The following MFN1 variants were observed in gnomAD, a reference collection of about 807,000 sequenced individuals.
The protein encoded by MFN1 is mitofusin-1.
MFN1 carries 65 observed loss-of-function variants against 92.4 expected under a neutral mutation model. The observed-to-expected ratio is 0.70, with a 90% CI of 0.58 to 0.86. The LOEUF is 0.86. Ranked by LOEUF, MFN1 falls within the 40% of genes least tolerant of loss-of-function variation. The pLI, the probability that MFN1 is intolerant of heterozygous loss-of-function variation, is 0.00. For synonymous variants in MFN1, 297 were observed against 300.9 expected (o/e 0.99, Z 0.13); for missense variants, 781 against 868.0 (o/e 0.90, Z 1.26).
In MFN1 at chr3:179,365,176, T is replaced by C; in HGVS notation, c.704T>C (p.Leu235Pro). The change falls in exon 7 of 18, where the codon CTC becomes CCC. Residue 235 changes from leucine to proline, a missense_variant. By Grantham distance (98) the Leu-to-Pro change is moderately conservative. Coordinates refer to ENST00000471841, the MANE Select transcript of MFN1 (RefSeq NM_033540.3). ...CTTTCCAAGCCTAATATTTTCATTCTCAATAATCGTTGGGATGCCTCTGCA... is the reference window on the plus strand; with the variant it reads ...CTTTCCAAGCCTAATATTTTCATTCCCAATAATCGTTGGGATGCCTCTGCA... ...ERLSKPNIFILNNRWDASASE... is the reference protein window; with the variant it reads ...ERLSKPNIFIPNNRWDASASE... 1 of 1,554,796 alleles carries C rather than the reference T, an allele frequency of 6.4e-7. No individual in the cohort carries two copies. The highest frequency in any genetic ancestry group is 8.6e-7 in the Non-Finnish European group (1 of 1,159,932).
rs1176033415 is a variant in MFN1, at chr3:179,393,543, T to C, written c.*1484T>C. 5 of 152,238 alleles carry C rather than the reference T, an allele frequency of 3.3e-5. No homozygotes were observed. The highest frequency in any genetic ancestry group is 7.3e-5 in the Non-Finnish European group (5 of 68,046). The allele number at this position is 152,238 out of a possible 1,614,324, so 9.4% of individuals were successfully genotyped here. A position where few individuals can be genotyped will look rare whatever the true frequency, so the allele number is the denominator to read the frequency against. On this transcript the variant is annotated 3_prime_UTR_variant, in exon 18 of 18. Transcript: ENST00000471841. ...TATCTTAGAAGATAACACTAGGCCATTGAAGCCTTTCAAAAATATATTTTT... is the reference window on the plus strand; with the variant it reads ...TATCTTAGAAGATAACACTAGGCCACTGAAGCCTTTCAAAAATATATTTTT...
At chr3:179,385,483 G>A (rs1292756720) in intron 14 of MFN1, 86 bp from the exon 15 acceptor site, 4 of 1,237,026 alleles carry the variant, frequency 3.2e-6, no homozygotes, top group African/African-American at 3.1e-5. Context: ...CCTCATAGAT[G>A]TGCTACTATA....
In MFN1 at chr3:179,358,824, T is replaced by C. The variant is rs1381657055; in HGVS notation, c.249-16T>C. ...ACTGTTATGTTTTGTTTTTCATGAT[T>C]TTGTATATTCTTCAGGACAAGCAGT... On this transcript the variant is annotated splice_polypyrimidine_tract_variant and intron_variant, in intron 3 of 17. Coordinates refer to ENST00000471841, the MANE Select transcript of MFN1 (RefSeq NM_033540.3). 2 of 1,599,872 alleles carry C rather than the reference T, an allele frequency of 1.3e-6. No homozygotes were observed. Among genetic ancestry groups the C allele is most frequent in the Non-Finnish European group, 1.7e-6 (2 of 1,173,196 alleles).
intron 14 of MFN1, among the ~76,000 whole-genome samples, chr3:179,381,560 C>T (rs1316073172): frequency 6.6e-6 from 1 of 152,122 alleles, no homozygotes; most frequent in Non-Finnish European, 1.5e-5. Flanking sequence ...CTATTAAGTT[C>T]CTTTGTGTGA....
chr3:179,363,658 A>AT (rs907991742), intron 5 of MFN1, among the ~76,000 whole-genome samples: 354 of 148,936 alleles, frequency 2.4e-3, no homozygotes, highest in Non-Finnish European at 4.7e-3. Context: ...AGCCTAGCTA[A>AT]TTTTTTTTTT....
chr3:179,359,115 G>T, intron 4 of MFN1, 113 bp downstream of exon 4: 6 of 1,178,452 alleles, frequency 5.1e-6, no homozygotes, highest in East Asian at 2.9e-5. Context: ...AAAAAGAACT[G>T]TTAATATTTT....
chr3:179,385,058 A>G (rs1577016046), intron 14 of MFN1, among the ~76,000 whole-genome samples: 1 of 145,224 alleles, frequency 6.9e-6, no homozygotes, highest in South Asian at 2.2e-4. Flanking sequence ...GGCATCCACC[A>G]CCTCGCTGGG....
rs941793700 is a variant in MFN1, at chr3:179,365,163, A to C, written c.691A>C (p.Asn231His). 10 of 1,558,926 alleles carry C rather than the reference A, an allele frequency of 6.4e-6. No individual in the cohort carries two copies. The highest frequency in any genetic ancestry group is 8.6e-6 in the Non-Finnish European group (10 of 1,161,420). Residue 231 changes from asparagine (N) to histidine (H), a missense_variant, in exon 7 of 18, where the codon AAT becomes CAT. Physicochemically the swap from Asn to His is moderately conservative, Grantham distance 68. Coordinates refer to ENST00000471841, the MANE Select transcript of MFN1 (RefSeq NM_033540.3). ...GGTGAATGAGCGGCTTTCCAAGCCT[A>C]ATATTTTCATTCTCAATAATCGTTG... ...HKVNERLSKPNIFILNNRWDA... is the reference protein window; with the variant it reads ...HKVNERLSKPHIFILNNRWDA...
intron 5 of MFN1, among the ~76,000 whole-genome samples, chr3:179,362,831 C>T (rs965419170): frequency 6.6e-6 from 1 of 152,184 alleles, no homozygotes; most frequent in Non-Finnish European, 1.5e-5. Flanking sequence ...ACACCAGCCA[C>T]CTCACCTGGC....
intron 15 of MFN1, 80 bp downstream of exon 15, chr3:179,385,801 C>T (rs1713665344): frequency 2.1e-5 from 28 of 1,322,734 alleles, no homozygotes; most frequent in East Asian, 4.7e-5. Context: ...AAAAGGTATA[C>T]AGTATTTACT....
intron 12 of MFN1, among the ~76,000 whole-genome samples, chr3:179,377,687 A>G (rs1713295119): frequency 6.6e-6 from 1 of 152,174 alleles, no homozygotes. Context: ...TAATCTCAAC[A>G]CTTTGGGAGG....
rs188667631 is a variant in MFN1 at position 179,388,797 on chromosome 3, A to G, written c.2013-1207A>G. Among the ~76,000 whole-genome samples the G allele has an allele frequency of 8.9e-4, 135 of 152,328 alleles. 1 individual carries two copies. The highest frequency in any genetic ancestry group is 3.1e-3 in the African/African-American group (128 of 41,572). On this transcript the variant is annotated intron_variant, in intron 16 of 17. Transcript: ENST00000471841. The stretch of plus-strand genomic sequence containing the variant: ...GGAGACAACAACCCAAATCAAAAAC[A>G]AGAAGGTAAGGGGAAAAGACTGCAT...
intron 6 of MFN1, among the ~76,000 whole-genome samples, 157 bp downstream of exon 6, chr3:179,364,562 C>T (rs927050573): frequency 6.6e-6 from 1 of 152,134 alleles, no homozygotes; most frequent in Non-Finnish European, 1.5e-5. Context: ...ACCAGAAGGG[C>T]TGTTTCTAGT....
Position 179,368,093 on chromosome 3 carries a change from A to G in MFN1, c.965A>G (p.Gln322Arg), listed in dbSNP as rs769727323. The G allele has an allele frequency of 1.3e-6, 2 of 1,565,212 alleles. No individual in the cohort carries two copies. Among genetic ancestry groups the G allele is most frequent in the South Asian group, 1.2e-5 (1 of 84,730 alleles). Residue 322 changes from glutamine (Q) to arginine (R), a missense_variant, in exon 9 of 18, where the codon CAA (glutamine) becomes CGA (arginine). Gln to Arg is a conservative substitution (Grantham distance 43). Coordinates refer to ENST00000471841, the MANE Select transcript of MFN1 (RefSeq NM_033540.3). ...ARLQEFQNFEQIFEECISQSA... is the reference protein window; with the variant it reads ...ARLQEFQNFERIFEECISQSA... The stretch of plus-strand genomic sequence containing the variant: ...TTACAGGAATTTCAGAATTTTGAAC[A>G]AATCTTTGAGGTAGGAATTTTGTGA...
At chr3:179,365,884 T>G (rs183819866) in intron 7 of MFN1, among the ~76,000 whole-genome samples, 30 of 152,382 alleles carry the variant, frequency 2.0e-4, no homozygotes, top group African/African-American at 6.3e-4. Flanking sequence ...TAGTATTCCA[T>G]CTGTGACTAT....
intron 9 of MFN1, among the ~76,000 whole-genome samples, chr3:179,370,371 T>G (rs1712972641): frequency 6.7e-6 from 1 of 149,662 alleles, no homozygotes; most frequent in South Asian, 2.1e-4. Context: ...ATATCATTTT[T>G]GGGGTTTCAT....
intron 16 of MFN1, among the ~76,000 whole-genome samples, chr3:179,389,713 GC>G (rs1713828344): frequency 6.6e-6 from 1 of 151,974 alleles, no homozygotes; most frequent in Non-Finnish European, 1.5e-5. Context: ...TTTGCGCAGG[GC>G]CCCAAGCATG....
In MFN1 at chr3:179,362,319, A is replaced by T. The variant is rs1288173219; in HGVS notation, c.412-39A>T. Reference sequence around the variant, plus strand: ...TTTTTAATTTTTATTGAATTTTATTACAAGTGGAGTTTATTTTTTTCTTTT... The same window carrying T: ...TTTTTAATTTTTATTGAATTTTATTTCAAGTGGAGTTTATTTTTTTCTTTT... On this transcript the variant is annotated intron_variant, in intron 4 of 17. Coordinates refer to ENST00000471841, the MANE Select transcript of MFN1 (RefSeq NM_033540.3). 3.3e-6 allele frequency: 5 copies of T among 1,520,510 alleles called. No individual in the cohort carries two copies. The East Asian group carries it at 1.2e-4, about 36-fold the overall frequency. 94.2% of individuals were successfully genotyped at this position (1,520,510 alleles called of 1,614,324 possible). A position where few individuals can be genotyped will look rare whatever the true frequency, so the allele number is the denominator to read the frequency against.
rs898486803 is a variant in MFN1, at chr3:179,367,348, C to T, written c.754-91C>T. The T allele has an allele frequency of 5.7e-6, 6 of 1,048,266 alleles. No individual in the cohort carries two copies. The African/African-American group carries it at 1.0e-4, about 18-fold the overall frequency. 64.9% of individuals were successfully genotyped at this position (1,048,266 alleles called of 1,614,324 possible). Reference sequence around the variant, plus strand: ...AGTTATATGGTAACTTTTATTATATCACTGTGAATAAAGTAAGTATTGGTC... The same window carrying T: ...AGTTATATGGTAACTTTTATTATATTACTGTGAATAAAGTAAGTATTGGTC... On this transcript the variant is annotated intron_variant, in intron 7 of 17. Transcript: ENST00000471841.
Sources: allele counts gnomAD v4.1 joint callset (sites outside exome capture counted in the v4.1 genomes callset), GRCh38; gene constraint gnomAD v4.1.1; transcripts MANE v1.5; gene names NCBI Gene and HGNC (gene_info 2026-07-23, HGNC 2026-07-21).